Variants in PXDNL observed in about 807,000 individuals in gnomAD.
PXDNL encodes peroxidasin like, also known as probable oxidoreductase PXDNL.
PXDNL carries 145 observed loss-of-function variants against 150.8 expected under a neutral mutation model. That is an observed-to-expected ratio of 0.96 (90% CI 0.84 to 1.10). The LOEUF (loss-of-function observed/expected upper bound fraction) is 1.10. Among genes scored for constraint, PXDNL ranks in the 50% least tolerant of loss-of-function variants. The pLI, the probability that PXDNL is intolerant of heterozygous loss-of-function variation, is 0.00. For missense variants in PXDNL, 2,087 were observed against 1,873.9 expected (o/e 1.11, Z -2.10); for synonymous variants, 757 against 725.7 (o/e 1.04, Z -0.69).
chr8:51,741,128 T>C (rs1305217648), intron 1 of PXDNL, among the ~76,000 whole-genome samples: 1 of 152,168 alleles, frequency 6.6e-6, no homozygotes, highest in Non-Finnish European at 1.5e-5. Flanking sequence ...TTTTGGTTGG[T>C]AGGCTATTTA....
intron 4 of PXDNL, among the ~76,000 whole-genome samples, chr8:51,501,227 G>A (rs776744649): frequency 1.3e-5 from 2 of 151,988 alleles, no homozygotes; most frequent in Non-Finnish European, 1.5e-5. Context: ...ATTGCCTTTG[G>A]GTTAGCATGA....
At chr8:51,663,769 G>A (rs973197910) in intron 1 of PXDNL, among the ~76,000 whole-genome samples, 23 of 152,164 alleles carry the variant, frequency 1.5e-4, no homozygotes, top group Non-Finnish European at 2.8e-4. Flanking sequence ...GATCAAGAGA[G>A]ATGAGGGGGC....
chr8:51,795,799 G>T (rs1244105633), intron 1 of PXDNL, among the ~76,000 whole-genome samples: 1 of 152,184 alleles, frequency 6.6e-6, no homozygotes, highest in East Asian at 1.9e-4. Context: ...GCCACTATTT[G>T]CAACCGTGGC....
chr8:51,422,915 C>G (rs904984237), intron 14 of PXDNL, among the ~76,000 whole-genome samples: 1 of 152,198 alleles, frequency 6.6e-6, no homozygotes, highest in Non-Finnish European at 1.5e-5. Flanking sequence ...CTACTCAAGT[C>G]TGCCTACAAA....
At chr8:51,650,695 T>C (rs1815016166) in intron 2 of PXDNL, among the ~76,000 whole-genome samples, 1 of 152,216 alleles carries the variant, frequency 6.6e-6, no homozygotes, top group Non-Finnish European at 1.5e-5. Flanking sequence ...AGTGCCAAGT[T>C]TGTGGAGATA....
At chr8:51,557,076 A>C (rs1350769670) in intron 3 of PXDNL, among the ~76,000 whole-genome samples, 165 bp from the exon 4 acceptor site, 2 of 152,176 alleles carry the variant, frequency 1.3e-5, no homozygotes, top group Non-Finnish European at 2.9e-5. Flanking sequence ...AATGTGTTCA[A>C]TTGGTAAGAG....
Position 51,411,257 on chromosome 8 carries a change from T to C in PXDNL, c.2055A>G (p.Glu685=). 6.8e-7 allele frequency: 1 copy of C among 1,472,940 alleles called. No homozygotes were observed. Among genetic ancestry groups the C allele is most frequent in the East Asian group, 2.6e-5 (1 of 38,652 alleles). 91.2% of individuals were successfully genotyped at this position (1,472,940 alleles called of 1,614,324 possible). Residue 685 remains glutamate, a synonymous_variant, in exon 16 of 23, where the codon GAA becomes GAG. Coordinates refer to ENST00000356297, the MANE Select transcript of PXDNL (RefSeq NM_144651.5). ...RVKQGLTVDL[E]GKEFRYNDLV... is the part of the protein sequence containing the mutation. Reference sequence around the variant, plus strand: ...AATGGCTTTGTGGCTGACCTTTGCCTTCCAAGTCCACAGTGAGCCCCTGCT... The same window carrying C: ...AATGGCTTTGTGGCTGACCTTTGCCCTCCAAGTCCACAGTGAGCCCCTGCT...
intron 1 of PXDNL, among the ~76,000 whole-genome samples, chr8:51,694,081 T>G (rs1816060683): frequency 6.6e-6 from 1 of 152,212 alleles, no homozygotes; most frequent in Non-Finnish European, 1.5e-5. Flanking sequence ...GCAACATGTG[T>G]TAGCCTAGTA....
intron 1 of PXDNL, among the ~76,000 whole-genome samples, chr8:51,778,884 A>G (rs1025365579): frequency 1.2e-4 from 18 of 152,202 alleles, no homozygotes; most frequent in African/African-American, 3.1e-4. Context: ...ATGCTCTTTT[A>G]CTTTCTAAAG....
At chr8:51,782,051 T>C (rs1585746750) in intron 1 of PXDNL, among the ~76,000 whole-genome samples, 2 of 151,914 alleles carry the variant, frequency 1.3e-5, no homozygotes, top group Non-Finnish European at 2.9e-5. Context: ...CAAAACACAG[T>C]AGGGTGGCTG....
At chr8:51,526,728 G>T (rs1396645859) in intron 4 of PXDNL, among the ~76,000 whole-genome samples, 1 of 152,188 alleles carries the variant, frequency 6.6e-6, no homozygotes, top group African/African-American at 2.4e-5. Flanking sequence ...GGAATTTAAA[G>T]ATGCTGTTGC....
chr8:51,446,998 T>C lies in PXDNL; in HGVS notation c.1525+6A>G, dbSNP rs747099179. The C allele has an allele frequency of 4.3e-6, 7 of 1,613,704 alleles. No individual in the cohort carries two copies. The highest frequency in any genetic ancestry group is 1.1e-5 in the South Asian group (1 of 91,052). ...GAATGTGAATATGAATCACAGTATATATTACCTTTGGGTTTTACAGTCAGC... is the reference window on the plus strand; with the variant it reads ...GAATGTGAATATGAATCACAGTATACATTACCTTTGGGTTTTACAGTCAGC... On this transcript the variant is annotated splice_donor_region_variant and intron_variant, in intron 12 of 22. Transcript: ENST00000356297.
chr8:51,454,015 C>A lies in PXDNL; in HGVS notation c.983-230G>T, dbSNP rs1809871618. ...TTAAAAAGATTGCTTGCCTTGATAT[C>A]ACGATGTGTTATAGATACTGCAAAG... On this transcript the variant is annotated intron_variant, in intron 9 of 22. Transcript: ENST00000356297. 2.6e-5 allele frequency among the ~76,000 whole-genome samples: 4 copies of A among 152,094 alleles called. No individual in the cohort carries two copies. In the South Asian group the frequency reaches 8.3e-4, roughly 32 times the overall value.
intron 1 of PXDNL, among the ~76,000 whole-genome samples, chr8:51,708,632 A>C (rs1436045706): frequency 6.6e-6 from 1 of 152,202 alleles, no homozygotes; most frequent in African/African-American, 2.4e-5. Flanking sequence ...CGGAAGAAAA[A>C]TAATGGAGAC....
intron 17 of PXDNL, among the ~76,000 whole-genome samples, chr8:51,386,387 G>A (rs981810243): frequency 1.3e-5 from 2 of 152,068 alleles, no homozygotes; most frequent in Non-Finnish European, 2.9e-5. Context: ...CACTGTGCCC[G>A]GCCAGGTGAT....
chr8:51,609,879 C>A (rs1171630647), intron 2 of PXDNL, among the ~76,000 whole-genome samples: 1 of 152,138 alleles, frequency 6.6e-6, no homozygotes, highest in African/African-American at 2.4e-5. Flanking sequence ...ACCAGATAAC[C>A]AGATCACACC....
chr8:51,573,257 G>A (rs1040171101), intron 3 of PXDNL, among the ~76,000 whole-genome samples: 2 of 151,924 alleles, frequency 1.3e-5, no homozygotes, highest in African/African-American at 4.8e-5. Flanking sequence ...CCATAGCTGT[G>A]TTGTCAGAGA....
intron 4 of PXDNL, among the ~76,000 whole-genome samples, chr8:51,507,307 T>C (rs1811316838): frequency 6.6e-6 from 1 of 152,200 alleles, no homozygotes; most frequent in Non-Finnish European, 1.5e-5. Context: ...GGACAAACAG[T>C]ACTGACCTAG....
chr8:51,575,222 C>T (rs972026226), intron 3 of PXDNL, among the ~76,000 whole-genome samples: 1 of 151,690 alleles, frequency 6.6e-6, no homozygotes, highest in Admixed American at 6.6e-5. Context: ...GTATTTAATA[C>T]CTGAGCACCC....
Sources: allele counts gnomAD v4.1 joint callset (sites outside exome capture counted in the v4.1 genomes callset), GRCh38; gene constraint gnomAD v4.1.1; transcripts MANE v1.5; gene names NCBI Gene and HGNC (gene_info 2026-07-23, HGNC 2026-07-21).